The following MTDH variants were observed in gnomAD, a reference collection of about 807,000 sequenced individuals.
The protein encoded by MTDH is metadherin.
Under a neutral mutation model 72.7 loss-of-function variants are expected in MTDH, and 34 were observed. That is an observed-to-expected ratio of 0.47 (90% CI 0.36 to 0.62). MTDH has a LOEUF of 0.62. Among genes scored for constraint, MTDH ranks in the 20% least tolerant of loss-of-function variants. The pLI is 0.00. For missense variants in MTDH, 677 were observed against 699.4 expected (o/e 0.97, Z 0.36); for synonymous variants, 266 against 268.9 (o/e 0.99, Z 0.10).
Position 97,644,436 on chromosome 8 carries a change from C to T in MTDH, c.-71C>T. The stretch of plus-strand genomic sequence containing the variant: ...GGTTACCCGGCCCGGCCCTTCCTCG[C>T]TTCCCTCGACTATTCCACTGCGTCT... On this transcript the variant is annotated 5_prime_UTR_variant, in exon 1 of 12. Transcript: ENST00000336273. The T allele has an allele frequency of 2.0e-6, 3 of 1,494,962 alleles. No individual in the cohort carries two copies. Among genetic ancestry groups the T allele is most frequent in the Middle Eastern group, 2.4e-4 (1 of 4,212 alleles). 92.6% of individuals were successfully genotyped at this position (1,494,962 alleles called of 1,614,324 possible).
chr8:97,675,997 T>C (rs1426370132), intron 2 of MTDH, among the ~76,000 whole-genome samples: 1 of 150,480 alleles, frequency 6.6e-6, no homozygotes, highest in East Asian at 1.9e-4. Flanking sequence ...CTGAGTGCAG[T>C]GGTACAATCA....
chr8:97,656,536 C>T (rs551900179), intron 1 of MTDH, among the ~76,000 whole-genome samples: 2 of 151,494 alleles, frequency 1.3e-5, no homozygotes, highest in Non-Finnish European at 3.0e-5. Flanking sequence ...CTCTTGACCT[C>T]ATGATCTGCC....
intron 1 of MTDH, 38 bp downstream of exon 1, chr8:97,644,925 G>A: frequency 1.3e-6 from 2 of 1,493,808 alleles, no homozygotes; most frequent in Non-Finnish European, 1.8e-6. Flanking sequence ...AACGGGCGAA[G>A]GGCGGGCGTG....
intron 2 of MTDH, among the ~76,000 whole-genome samples, chr8:97,683,192 G>A (rs1813211519): frequency 6.7e-6 from 1 of 149,958 alleles, no homozygotes; most frequent in African/African-American, 2.5e-5. Flanking sequence ...AGCCTCCCGA[G>A]TAGCTGGGAC....
intron 2 of MTDH, among the ~76,000 whole-genome samples, chr8:97,677,042 G>A (rs549866711): frequency 4.0e-5 from 5 of 125,034 alleles, no homozygotes; most frequent in African/African-American, 1.2e-4. Context: ...AATTAGCCAG[G>A]CATGATGACG....
chr8:97,673,882 G>A (rs1812734384), intron 2 of MTDH, among the ~76,000 whole-genome samples: 1 of 152,094 alleles, frequency 6.6e-6, no homozygotes, highest in Non-Finnish European at 1.5e-5. Context: ...GGCTGAGGTA[G>A]GAGCATTGCT....
chr8:97,651,043 T>C (rs559612761), intron 1 of MTDH, among the ~76,000 whole-genome samples: 1 of 152,366 alleles, frequency 6.6e-6, no homozygotes, highest in South Asian at 2.1e-4. Context: ...AGGTATGTTA[T>C]AAATAGTACT....
intron 6 of MTDH, among the ~76,000 whole-genome samples, chr8:97,698,199 T>C (rs1813951296): frequency 6.6e-6 from 1 of 152,218 alleles, no homozygotes; most frequent in African/African-American, 2.4e-5. Context: ...GTATCTTTTC[T>C]TCCTAACCAT....
chr8:97,676,206 C>G lies in MTDH; in HGVS notation c.484-10462C>G, dbSNP rs148975117. On this transcript the variant is annotated intron_variant, in intron 2 of 11. Coordinates refer to ENST00000336273, the MANE Select transcript of MTDH (RefSeq NM_178812.4). ...CCTCCCACCTCTGTCTCCCAAAGTGCTGGGATTACTGGCTTGAGCCATTGC... is the reference window on the plus strand; with the variant it reads ...CCTCCCACCTCTGTCTCCCAAAGTGGTGGGATTACTGGCTTGAGCCATTGC... 5.3e-3 allele frequency among the ~76,000 whole-genome samples: 810 copies of G among 152,228 alleles called. 5 individuals carry two copies. The highest frequency in any genetic ancestry group is 0.017 in the African/African-American group (716 of 41,550).
intron 2 of MTDH, among the ~76,000 whole-genome samples, chr8:97,666,858 G>A (rs1476332779): frequency 6.6e-6 from 1 of 151,622 alleles, no homozygotes; most frequent in African/African-American, 2.4e-5. Context: ...CACTACCCCC[G>A]GCTGATTTTT....
rs374777739 is a variant in MTDH, at chr8:97,663,610, G to A, written c.483+2437G>A. ...AAAAATATAAAAAAATTAGCCAGGC[G>A]TGGTAGCGGGCGCCTGTAGTCCCAG... On this transcript the variant is annotated intron_variant, in intron 2 of 11. Transcript: ENST00000336273. 3.3e-4 allele frequency among the ~76,000 whole-genome samples: 50 copies of A among 152,086 alleles called. No individual in the cohort carries two copies. The East Asian group carries it at 7.0e-3, about 21-fold the overall frequency.
intron 2 of MTDH, among the ~76,000 whole-genome samples, chr8:97,683,516 C>T (rs556641103): frequency 2.0e-5 from 3 of 151,978 alleles, no homozygotes; most frequent in African/African-American, 7.2e-5. Context: ...CCACCTCAGC[C>T]TCCCAAGTAG....
Position 97,661,175 on chromosome 8 carries a change from T to C in MTDH, c.483+2T>C. 6.2e-7 allele frequency: 1 copy of C among 1,604,714 alleles called. No individual in the cohort carries two copies. The highest frequency in any genetic ancestry group is 8.5e-7 in the Non-Finnish European group (1 of 1,174,276). On this transcript the variant is annotated splice_donor_variant, in intron 2 of 11. Transcript: ENST00000336273. LOFTEE classifies it high-confidence loss of function. ...GAGATTGACAAGAAAAATGAAAAGG[T>C]AAGTTTGGGAGCATATGAAATTGTA... is the stretch of plus-strand genomic sequence containing the variant.
chr8:97,653,125 GAAAAAA>G (rs553276689), intron 1 of MTDH, among the ~76,000 whole-genome samples: 1 of 95,940 alleles, frequency 1.0e-5, no homozygotes, highest in Non-Finnish European at 2.3e-5. Flanking sequence ...CTCAAAAAAA[GAAAAAA>G]AAAAAAAGAA....
rs767967240 is a variant in MTDH, at chr8:97,724,680, T to C, written c.*10T>C. 1 of 1,584,796 alleles carries C rather than the reference T, an allele frequency of 6.3e-7. No individual in the cohort carries two copies. The highest frequency in any genetic ancestry group is 1.2e-5 in the South Asian group (1 of 85,306). On this transcript the variant is annotated 3_prime_UTR_variant, in exon 12 of 12. Transcript: ENST00000336273. ...CAGACGAGAAACGTGAAATTTTTTT[T>C]CCTGAATTGGACATGTGTTTGCAAA... is the stretch of plus-strand genomic sequence containing the variant.
At chr8:97,683,299 A>G (rs1813216853) in intron 2 of MTDH, among the ~76,000 whole-genome samples, 1 of 151,602 alleles carries the variant, frequency 6.6e-6, no homozygotes, top group Non-Finnish European at 1.5e-5. Flanking sequence ...TCCTAAGCTC[A>G]GGATCTGCCC....
At chr8:97,684,155 AC>A (rs1813264123) in intron 2 of MTDH, among the ~76,000 whole-genome samples, 1 of 150,142 alleles carries the variant, frequency 6.7e-6, no homozygotes, top group Non-Finnish European at 1.5e-5. Context: ...AAAAAAAAAA[AC>A]GACTAGTCCA....
intron 2 of MTDH, among the ~76,000 whole-genome samples, 189 bp from the exon 3 acceptor site, chr8:97,686,479 C>T (rs1813367558): frequency 6.6e-6 from 1 of 152,176 alleles, no homozygotes; most frequent in Admixed American, 6.5e-5. Context: ...GAATACTTAA[C>T]ACATAGTAAC....
chr8:97,707,838 A>G (rs1308436315), intron 8 of MTDH, among the ~76,000 whole-genome samples: 3 of 151,854 alleles, frequency 2.0e-5, no homozygotes, highest in African/African-American at 7.3e-5. Flanking sequence ...GTTTGAACAT[A>G]GCAAGACCCC....
Sources: allele counts gnomAD v4.1 joint callset (sites outside exome capture counted in the v4.1 genomes callset), GRCh38; gene constraint gnomAD v4.1.1; transcripts MANE v1.5; gene names NCBI Gene and HGNC (gene_info 2026-07-23, HGNC 2026-07-21).